METTL15: variants seen among roughly 807,000 people sequenced by gnomAD.
METTL15 encodes the protein methyltransferase 15, mitochondrial 12S rRNA N4-cytidine.
Under a neutral mutation model 38.3 loss-of-function variants are expected in METTL15, and 34 were observed. The ratio of observed to expected loss-of-function variants is 0.89; its 90% CI spans 0.68 to 1.18. METTL15 has a LOEUF of 1.18. METTL15 is among the 50% of genes most tolerant of loss of function. METTL15 has a pLI of 0.00. For synonymous variants in METTL15, 162 were observed against 170.9 expected (o/e 0.95, Z 0.41); for missense variants, 438 against 498.4 (o/e 0.88, Z 1.15).
intron 5 of METTL15, among the ~76,000 whole-genome samples, chr11:28,291,724 CAT>C (rs375542480): frequency 1.7e-3 from 253 of 152,216 alleles, no homozygotes; most frequent in African/African-American, 3.8e-3. Context: ...AATACAGTCT[CAT>C]GTGTGGAGAT....
chr11:28,148,437 ATCT>A (rs1849965135), intron 3 of METTL15, among the ~76,000 whole-genome samples: 3 of 151,750 alleles, frequency 2.0e-5, no homozygotes, highest in South Asian at 4.2e-4. Context: ...TGGCCTTCAC[ATCT>A]TCTTTCTTCA....
At chr11:28,183,440 C>CTAG (rs764721800) in intron 3 of METTL15, among the ~76,000 whole-genome samples, 1 of 151,948 alleles carries the variant, frequency 6.6e-6, no homozygotes, top group Non-Finnish European at 1.5e-5. Flanking sequence ...CCTTAGATAC[C>CTAG]TAGTTTATTG....
chr11:28,452,683 C>G (rs1217033967), intron 6 of METTL15, among the ~76,000 whole-genome samples: 1 of 152,172 alleles, frequency 6.6e-6, no homozygotes, highest in Non-Finnish European at 1.5e-5. Context: ...AATTTTGTCC[C>G]TGCTACAGGA....
In METTL15 at chr11:28,228,735, A is replaced by G. The variant is rs184589800; in HGVS notation, c.407+17537A>G. ...ATTCCACATATATTGTTCATGTTGT[A>G]TATTAAATATTCATTGAAGACAAAA... On this transcript the variant is annotated intron_variant, in intron 4 of 6. Coordinates refer to ENST00000407364, the MANE Select transcript of METTL15 (RefSeq NM_001113528.2). 2.3e-3 allele frequency among the ~76,000 whole-genome samples: 356 copies of G among 152,056 alleles called. 3 individuals are homozygous for G. The highest frequency in any genetic ancestry group is 7.7e-3 in the African/African-American group (320 of 41,540).
At chr11:28,272,355 T>G (rs1855677951) in intron 4 of METTL15, among the ~76,000 whole-genome samples, 1 of 152,142 alleles carries the variant, frequency 6.6e-6, no homozygotes, top group South Asian at 2.1e-4. Flanking sequence ...AAAGAAAATG[T>G]GGCACATATA....
intron 4 of METTL15, among the ~76,000 whole-genome samples, chr11:28,283,324 C>T (rs960895473): frequency 3.3e-5 from 5 of 152,064 alleles, no homozygotes; most frequent in African/African-American, 7.2e-5. Context: ...AGCAAAAGTA[C>T]CCTTTTATAT....
intron 3 of METTL15, among the ~76,000 whole-genome samples, chr11:28,148,945 A>G (rs1849982569): frequency 6.6e-6 from 1 of 151,996 alleles, no homozygotes; most frequent in Non-Finnish European, 1.5e-5. Context: ...TACTGCATTC[A>G]TAGCATAATA....
chr11:28,343,191 T>C (rs546388640), intron 3 of METTL15, among the ~76,000 whole-genome samples: 79 of 149,266 alleles, frequency 5.3e-4, no homozygotes, highest in Non-Finnish European at 9.0e-4. Flanking sequence ...TATTTTTTCA[T>C]GGGGTGGGGA....
chr11:28,326,809 A>G (rs537220561), intron 6 of METTL15, among the ~76,000 whole-genome samples: 3 of 151,996 alleles, frequency 2.0e-5, no homozygotes, highest in East Asian at 3.9e-4. Flanking sequence ...TTGTAGAGAC[A>G]GGGTTTCACC....
intron 4 of METTL15, among the ~76,000 whole-genome samples, chr11:28,287,034 G>T (rs747533939): frequency 1.4e-4 from 21 of 147,684 alleles, no homozygotes; most frequent in Non-Finnish European, 2.8e-4. Context: ...TGTACTCTCC[G>T]CACTATATAT....
chr11:28,360,836 G>A (rs1464822833), intron 4 of METTL15, among the ~76,000 whole-genome samples: 5 of 116,844 alleles, frequency 4.3e-5, no homozygotes, highest in African/African-American at 1.4e-4. Flanking sequence ...AGTCCCCAGA[G>A]TGTGATGTTC....
chr11:28,207,334 G>T (rs559499951), intron 3 of METTL15, among the ~76,000 whole-genome samples: 31 of 152,124 alleles, frequency 2.0e-4, no homozygotes, highest in Non-Finnish European at 3.2e-4. Flanking sequence ...GTTGAATTTT[G>T]TCAAAGGCCT....
At chr11:28,393,280 G>T (rs1443761661) in intron 5 of METTL15, among the ~76,000 whole-genome samples, 1 of 152,088 alleles carries the variant, frequency 6.6e-6, no homozygotes, top group Non-Finnish European at 1.5e-5. Context: ...TAGCGTAAAT[G>T]TCCATTTATA....
intron 5 of METTL15, among the ~76,000 whole-genome samples, chr11:28,369,781 G>C (rs1360821030): frequency 1.3e-5 from 2 of 152,112 alleles, no homozygotes; most frequent in Non-Finnish European, 2.9e-5. Context: ...TGCAAGAAGT[G>C]CTAGAGTCCT....
At chr11:28,335,099 GAATAATT>G (rs1849888933), downstream of METTL15, among the ~76,000 whole-genome samples, 2 of 152,106 alleles carry the variant, frequency 1.3e-5, no homozygotes, top group Non-Finnish European at 2.9e-5. Context: ...CTTGATTCTT[GAATAATT>G]ATTTCTGTTC....
At chr11:28,492,299 G>A (rs1434291327) in intron 6 of METTL15, among the ~76,000 whole-genome samples, 1 of 152,086 alleles carries the variant, frequency 6.6e-6, no homozygotes, top group Non-Finnish European at 1.5e-5. Flanking sequence ...TCTGGGATTG[G>A]ATTGTTAGAC....
chr11:28,220,503 G>T (rs749355414), intron 4 of METTL15, among the ~76,000 whole-genome samples: 1 of 152,114 alleles, frequency 6.6e-6, no homozygotes, highest in African/African-American at 2.4e-5. Flanking sequence ...GATGAGTCTT[G>T]ACTCTTTATC....
chr11:28,337,271 A>AT (rs895728491), downstream of METTL15, among the ~76,000 whole-genome samples: 17 of 151,996 alleles, frequency 1.1e-4, no homozygotes, highest in East Asian at 1.2e-3. Flanking sequence ...TTTAATTTTA[A>AT]TTTTTTTTAA....
chr11:28,391,401 C>T lies in METTL15; in HGVS notation c.*358+29365C>T, dbSNP rs537352061. On this transcript the variant is annotated intron_variant and NMD_transcript_variant, in intron 5 of 7. Coordinates refer to the METTL15 transcript ENST00000532947. The stretch of plus-strand genomic sequence containing the variant: ...TAGCTCTTATTATTTTGAGATACGT[C>T]CCATCAATACCTATTTTATTGAGAG... Among the ~76,000 whole-genome samples, 3 of 152,116 alleles carry T rather than the reference C, an allele frequency of 2.0e-5. No homozygotes were observed. The South Asian group carries it at 6.2e-4, about 32-fold the overall frequency.
Sources: gnomAD v4.1 joint callset for allele counts (sites outside exome capture counted in the v4.1 genomes callset) on GRCh38, gnomAD v4.1.1 for gene constraint, MANE v1.5 for transcripts, NCBI Gene and HGNC (gene_info 2026-07-23, HGNC 2026-07-21) for gene names.